Variants in STIM1 observed in about 807,000 individuals in gnomAD.
STIM1 encodes stromal interaction molecule 1.
In STIM1, 25 loss-of-function variants were observed where a neutral mutation model predicts 74.7. The observed-to-expected ratio is 0.33, with a 90% confidence interval of 0.24 to 0.47. The LOEUF (loss-of-function observed/expected upper bound fraction) is 0.47. STIM1 is among the 20% of genes least tolerant of loss of function. The probability of loss-of-function intolerance (pLI) is 1.00; values close to 1 mark genes in which losing one functional copy is unlikely to be tolerated. For missense variants in STIM1, 728 were observed against 920.8 expected (o/e 0.79, Z 2.71); for synonymous variants, 328 against 348.8 (o/e 0.94, Z 0.66).
intron 2 of STIM1, among the ~76,000 whole-genome samples, chr11:3,969,954 G>T (rs186757599): frequency 6.6e-6 from 1 of 152,320 alleles, no homozygotes; most frequent in African/African-American, 2.4e-5. Flanking sequence ...GGTGAATGAG[G>T]CCTAGTGGCA....
chr11:3,898,235 G>A (rs1340398176), intron 1 of STIM1, among the ~76,000 whole-genome samples: 9 of 149,002 alleles, frequency 6.0e-5, no homozygotes, highest in African/African-American at 1.7e-4. Context: ...ATCTCATTGT[G>A]GTTTTGATTT....
intron 1 of STIM1, among the ~76,000 whole-genome samples, chr11:3,897,141 CAA>C (rs2092201822): frequency 6.6e-6 from 1 of 152,164 alleles, no homozygotes; most frequent in African/African-American, 2.4e-5. Context: ...AAGATTCTGT[CAA>C]AGTAAAAACT....
intron 2 of STIM1, among the ~76,000 whole-genome samples, chr11:3,991,950 C>CAAAAAAAAAAAAAAAAAAAA (rs1230185435): frequency 2.7e-5 from 1 of 36,698 alleles, no homozygotes; most frequent in African/African-American, 1.4e-4. Context: ...AACTCCATCT[C>CAAAAAAAAAAAAAAAAAAAA]AAAAAAAAAA....
chr11:4,076,625 G>C (rs1246288580), intron 7 of STIM1, among the ~76,000 whole-genome samples: 2 of 150,928 alleles, frequency 1.3e-5, no homozygotes, highest in African/African-American at 4.9e-5. Context: ...TCACATTTAG[G>C]GATATTATTT....
chr11:4,020,665 T>C (rs541364329), intron 2 of STIM1, among the ~76,000 whole-genome samples: 11 of 152,108 alleles, frequency 7.2e-5, no homozygotes, highest in Admixed American at 2.0e-4. Flanking sequence ...CACAACTCAC[T>C]ACAACCTTGA....
At chr11:3,897,643 C>T (rs555627482) in intron 1 of STIM1, among the ~76,000 whole-genome samples, 173 of 152,206 alleles carry the variant, frequency 1.1e-3, no homozygotes, top group Middle Eastern at 3.4e-3. Context: ...GGTATATCTC[C>T]TAAAGCTATC....
In STIM1 at chr11:3,895,630, CTT is replaced by C. The variant is rs1405392437; in HGVS notation, c.139+39223_139+39224del. On this transcript the variant is annotated intron_variant, in intron 1 of 12. Transcript: ENST00000526596. ...TCTCTCTTTCTTTCTTTCTTTCTTT[CTT>C]TCTTTCTTTCTTTCTTTCTTTCTTT... Among the ~76,000 whole-genome samples the C allele has an allele frequency of 3.3e-3, 20 of 6,064 alleles. 1 individual carries two copies. Among genetic ancestry groups the C allele is most frequent in the African/African-American group, 5.9e-3 (18 of 3,076 alleles). The allele number at this position is 6,064 out of a possible 152,430, so 4.0% of individuals were successfully genotyped here.
In STIM1 at chr11:4,091,777, TAAG is replaced by T. The variant is rs2094526893; in HGVS notation, c.2134_2136del (p.Lys712del). ...GGAAGAAGTTTCCCCTCAAAATCTT[TAAG>T]AAGCCTCTTAAGAAGTAGGCAGGAT... On this transcript the variant is annotated inframe_deletion, in exon 13 of 13. Coordinates refer to ENST00000526596, the MANE Select transcript of STIM1 (RefSeq NM_001382567.1). The T allele has an allele frequency of 1.9e-6, 3 of 1,607,186 alleles. No individual in the cohort carries two copies. Among genetic ancestry groups the T allele is most frequent in the South Asian group, 1.1e-5 (1 of 91,082 alleles).
At chr11:3,879,011 AG>A (rs1292497873) in intron 1 of STIM1, among the ~76,000 whole-genome samples, 1 of 151,670 alleles carries the variant, frequency 6.6e-6, no homozygotes, top group Non-Finnish European at 1.5e-5. Context: ...GCTGGAGTGC[AG>A]TGGCGTGATC....
At chr11:4,053,688 A>G (rs1246119961) in intron 3 of STIM1, among the ~76,000 whole-genome samples, 5 of 152,102 alleles carry the variant, frequency 3.3e-5, no homozygotes, top group Admixed American at 3.3e-4. Context: ...TATGTAAAAA[A>G]CCTGCACATT....
chr11:4,066,516 G>T (rs2094366545), intron 5 of STIM1, among the ~76,000 whole-genome samples: 3 of 152,100 alleles, frequency 2.0e-5, no homozygotes. Context: ...CCCTGGCCCT[G>T]AGGAACTCAC....
At chr11:4,083,620 T>C (rs2094477066) in intron 10 of STIM1, 122 bp downstream of exon 10, 1 of 957,962 alleles carries the variant, frequency 1.0e-6, no homozygotes, top group African/African-American at 1.6e-5. Context: ...GTTCAACTCA[T>C]GACCTTGGTC....
At chr11:4,084,481 T>A (rs936884380) in intron 10 of STIM1, among the ~76,000 whole-genome samples, 192 bp from the exon 11 acceptor site, 6 of 152,190 alleles carry the variant, frequency 3.9e-5, no homozygotes, top group African/African-American at 9.7e-5. Flanking sequence ...AAGGACAGGA[T>A]CACTGACAGG....
At chr11:3,934,890 G>A (rs559832339) in intron 1 of STIM1, among the ~76,000 whole-genome samples, 16 of 152,212 alleles carry the variant, frequency 1.1e-4, no homozygotes, top group Non-Finnish European at 2.2e-4. Context: ...CAAGGAATGA[G>A]TAGGGAGGAA....
intron 2 of STIM1, among the ~76,000 whole-genome samples, chr11:4,018,458 CAAAAAAAAA>C (rs1157096857): frequency 1.5e-4 from 3 of 20,534 alleles, no homozygotes; most frequent in Non-Finnish European, 4.1e-4. Context: ...GACTCCGTCT[CAAAAAAAAA>C]AAAAAAAAAA....
intron 12 of STIM1, among the ~76,000 whole-genome samples, chr11:4,089,865 T>G (rs896178374): frequency 1.3e-5 from 2 of 152,130 alleles, no homozygotes; most frequent in East Asian, 3.9e-4. Flanking sequence ...TTCCCTTAGG[T>G]CTCTCCTCTG....
chr11:3,888,915 A>G (rs912915734), intron 1 of STIM1, among the ~76,000 whole-genome samples: 1 of 151,798 alleles, frequency 6.6e-6, no homozygotes, highest in Non-Finnish European at 1.5e-5. Flanking sequence ...TTTTCTTGTC[A>G]TCTTGACTGC....
At chr11:4,088,546 A>T (rs1590701379) in intron 12 of STIM1, 1 of 663,162 alleles carries the variant, frequency 1.5e-6, no homozygotes, top group Non-Finnish European at 2.7e-6. Flanking sequence ...CTTCCAGTAC[A>T]GATGGAGAGG....
intron 12 of STIM1, among the ~76,000 whole-genome samples, chr11:4,087,227 C>T (rs1191045304): frequency 6.6e-6 from 1 of 152,152 alleles, no homozygotes; most frequent in Non-Finnish European, 1.5e-5. Flanking sequence ...CATAGGGGTT[C>T]ACTGGTGATA....
Sources: gnomAD v4.1 joint callset for allele counts (sites outside exome capture counted in the v4.1 genomes callset) on GRCh38, gnomAD v4.1.1 for gene constraint, MANE v1.5 for transcripts, NCBI Gene and HGNC (gene_info 2026-07-23, HGNC 2026-07-21) for gene names.